Variants in ROBO2 observed in about 807,000 individuals in gnomAD.
ROBO2 encodes the protein roundabout homolog 2.
In ROBO2, 53 loss-of-function variants were observed where a neutral mutation model predicts 160.8. The ratio of observed to expected loss-of-function variants is 0.33; its 90% CI spans 0.26 to 0.41. The LOEUF (loss-of-function observed/expected upper bound fraction) is 0.41, where lower values mean the gene tolerates loss of function less well. Ranked by LOEUF, ROBO2 falls within the 10% of genes least tolerant of loss-of-function variation. ROBO2 has a pLI of 1.00. For missense variants in ROBO2, 1,577 were observed against 1,722.4 expected (o/e 0.92, Z 1.49); for synonymous variants, 664 against 611.7 (o/e 1.09, Z -1.26).
Position 77,085,208 on chromosome 3 carries a change from T to C in ROBO2, c.62-12806T>C, listed in dbSNP as rs192771189. On this transcript the variant is annotated intron_variant, in intron 1 of 25. Transcript: ENST00000461745. ...AGTTGTCACATCAAAACTGTTATGA[T>C]TGGCCAAATAAAACTGGAGAAAATG... Among the ~76,000 whole-genome samples the C allele has an allele frequency of 1.4e-3, 213 of 152,280 alleles. 1 individual carries two copies. The highest frequency in any genetic ancestry group is 0.01 in the Middle Eastern group (3 of 294).
intron 2 of ROBO2, among the ~76,000 whole-genome samples, chr3:76,594,947 A>G (rs546731753): frequency 4.4e-4 from 67 of 152,116 alleles, no homozygotes; most frequent in Admixed American, 7.9e-4. Flanking sequence ...TGAAGCCCAA[A>G]TCCCCATTGT....
chr3:76,329,819 C>A (rs2073345368), intron 2 of ROBO2, among the ~76,000 whole-genome samples: 1 of 152,168 alleles, frequency 6.6e-6, no homozygotes, highest in Non-Finnish European at 1.5e-5. Context: ...TGGAGACATT[C>A]TTTCAGAATT....
intron 6 of ROBO2, among the ~76,000 whole-genome samples, chr3:77,542,030 T>C (rs1014154859): frequency 2.0e-5 from 3 of 152,178 alleles, no homozygotes; most frequent in African/African-American, 7.2e-5. Flanking sequence ...GCTGTGTTGA[T>C]AAAATGCCAC....
intron 2 of ROBO2, among the ~76,000 whole-genome samples, chr3:77,135,271 A>G (rs547693577): frequency 2.0e-4 from 31 of 152,322 alleles, no homozygotes; most frequent in African/African-American, 7.5e-4. Context: ...TATAGAGGCC[A>G]AAGAGCCACA....
chr3:76,397,923 C>G (rs373813285), intron 2 of ROBO2, among the ~76,000 whole-genome samples: 8,456 of 151,970 alleles, frequency 0.056, 436 homozygotes, highest in African/African-American at 0.14. Context: ...GTGGCGATTC[C>G]TCAGGGATCT....
intron 2 of ROBO2, among the ~76,000 whole-genome samples, chr3:76,768,967 GC>G (rs1197948928): frequency 4.6e-5 from 7 of 151,382 alleles, no homozygotes; most frequent in Non-Finnish European, 1.0e-4. Flanking sequence ...TAAATCTTAA[GC>G]TTATTCCTTT....
intron 2 of ROBO2, among the ~76,000 whole-genome samples, chr3:77,357,380 C>CAGAGGGAGTATT (rs1284246324): frequency 2.0e-5 from 3 of 151,906 alleles, no homozygotes; most frequent in African/African-American, 7.3e-5. Flanking sequence ...TCCCTCTCTC[C>CAGAGGGAGTATT]CTCTGTCCTG....
At chr3:77,195,036 C>T (rs1270808830) in intron 2 of ROBO2, among the ~76,000 whole-genome samples, 1 of 152,018 alleles carries the variant, frequency 6.6e-6, no homozygotes, top group African/African-American at 2.4e-5. Context: ...TCAATATATT[C>T]CCTTTTATAA....
intron 2 of ROBO2, among the ~76,000 whole-genome samples, chr3:76,325,057 A>G (rs1462527658): frequency 6.6e-6 from 1 of 152,242 alleles, no homozygotes; most frequent in African/African-American, 2.4e-5. Flanking sequence ...GTGAGCAGAG[A>G]TCGCACCACT....
intron 18 of ROBO2, 110 bp from the exon 20 acceptor site, chr3:77,596,513 T>A: frequency 7.5e-7 from 1 of 1,331,560 alleles, no homozygotes; most frequent in Non-Finnish European, 1.1e-6. Flanking sequence ...TTATATTAAT[T>A]TGAAGTCAAT....
chr3:77,572,949 A>G (rs1218727079), intron 13 of ROBO2, among the ~76,000 whole-genome samples: 1 of 152,030 alleles, frequency 6.6e-6, no homozygotes, highest in Non-Finnish European at 1.5e-5. Flanking sequence ...ACAAATTTCA[A>G]ATTTCTTGGA....
intron 2 of ROBO2, among the ~76,000 whole-genome samples, chr3:75,954,590 A>G (rs2107217917): frequency 6.6e-6 from 1 of 152,018 alleles, no homozygotes; most frequent in African/African-American, 2.4e-5. Flanking sequence ...CTTACATCAC[A>G]TCACAGAAAA....
At chr3:76,105,142 T>C (rs1436202765) in intron 2 of ROBO2, among the ~76,000 whole-genome samples, 8 of 151,824 alleles carry the variant, frequency 5.3e-5, no homozygotes, top group African/African-American at 1.9e-4. Flanking sequence ...AAAAATTTCA[T>C]GGTACCAAAC....
intron 2 of ROBO2, among the ~76,000 whole-genome samples, chr3:76,722,650 T>C (rs1560444990): frequency 6.6e-6 from 1 of 152,178 alleles, no homozygotes; most frequent in Non-Finnish European, 1.5e-5. Context: ...CAATCACTAA[T>C]CTACATTCTA....
intron 4 of ROBO2, among the ~76,000 whole-genome samples, chr3:77,481,940 AAG>A (rs754045038): frequency 6.6e-6 from 1 of 152,162 alleles, no homozygotes; most frequent in Non-Finnish European, 1.5e-5. Flanking sequence ...GGAAGGTTGA[AAG>A]AGAGAGAAAA....
intron 2 of ROBO2, among the ~76,000 whole-genome samples, chr3:76,765,956 T>G (rs2608165): frequency 0.84 from 127,114 of 151,574 alleles, 53,402 homozygotes; most frequent in Admixed American, 0.86. Flanking sequence ...GATCCCAACT[T>G]TATTTGCATG....
At chr3:77,263,097 TG>T (rs1481251443) in intron 2 of ROBO2, among the ~76,000 whole-genome samples, 4 of 152,144 alleles carry the variant, frequency 2.6e-5, no homozygotes, top group African/African-American at 9.7e-5. Flanking sequence ...TGGAACAAGT[TG>T]CAAAGTAATT....
rs192031794 is a variant in ROBO2 at position 77,496,424 on chromosome 3, T to C, written c.806+3042T>C. ...TAGCATAAGCCTCACTTATGCATAA[T>C]GAGAGAGAAAGACACCTCTTTCCTT... On this transcript the variant is annotated intron_variant, in intron 5 of 25. Coordinates refer to ENST00000461745, the Ensembl canonical transcript of ROBO2. 6.6e-5 allele frequency among the ~76,000 whole-genome samples: 10 copies of C among 152,246 alleles called. No homozygotes were observed. The East Asian group carries it at 1.5e-3, about 24-fold the overall frequency.
At chr3:76,960,244 C>CTTGTTTGTCTTGT (rs2079552200) in intron 2 of ROBO2, among the ~76,000 whole-genome samples, 1 of 151,124 alleles carries the variant, frequency 6.6e-6, no homozygotes, top group Non-Finnish European at 1.5e-5. Context: ...AAACATAAAC[C>CTTGTTTGTCTTGT]CCTGATAGAC....
Sources: gnomAD v4.1 joint callset for allele counts (sites outside exome capture counted in the v4.1 genomes callset) on GRCh38, gnomAD v4.1.1 for gene constraint, MANE v1.5 for transcripts, NCBI Gene and HGNC (gene_info 2026-07-23, HGNC 2026-07-21) for gene names.